Variants in NFIC observed in about 807,000 individuals in gnomAD.
The protein encoded by NFIC is nuclear factor I C.
In NFIC, 12 loss-of-function variants were observed where a neutral mutation model predicts 54.4. The ratio of observed to expected loss-of-function variants is 0.22; its 90% CI spans 0.14 to 0.36. The LOEUF (loss-of-function observed/expected upper bound fraction) is 0.36. Among genes scored for constraint, NFIC ranks in the 10% least tolerant of loss-of-function variants. The pLI is 1.00. For missense variants in NFIC, 575 were observed against 718.2 expected (o/e 0.80, Z 2.28); for synonymous variants, 322 against 319.2 (o/e 1.01, Z -0.09).
chr19:3,395,492 A>ATT (rs530190180), intron 2 of NFIC, among the ~76,000 whole-genome samples: 5,560 of 130,794 alleles, frequency 0.043, 412 homozygotes, highest in African/African-American at 0.15. Flanking sequence ...ACCATGGTTG[A>ATT]TTTTTTTTTT....
chr19:3,385,701 T>C (rs1348488004), intron 2 of NFIC, among the ~76,000 whole-genome samples: 2 of 151,310 alleles, frequency 1.3e-5, no homozygotes, highest in Non-Finnish European at 1.5e-5. Context: ...GTCTCCCGAG[T>C]AGCTGGGACT....
At chr19:3,366,890 C>T (rs918161206) in intron 1 of NFIC, among the ~76,000 whole-genome samples, 1 of 151,906 alleles carries the variant, frequency 6.6e-6, no homozygotes, top group African/African-American at 2.4e-5. Flanking sequence ...CGCGGGACTC[C>T]CGCCCAGCAC....
In NFIC at chr19:3,449,049, A is replaced by G; in HGVS notation, c.994A>G (p.Lys332Glu). The G allele has an allele frequency of 6.2e-7, 1 of 1,613,472 alleles. No individual in the cohort carries two copies. Among genetic ancestry groups the G allele is most frequent in the South Asian group, 1.1e-5 (1 of 91,004 alleles). The change falls in exon 7 of 11, where the codon AAG (lysine) becomes GAG (glutamate). Residue 332 changes from lysine (K) to glutamate (E), a missense_variant. Transcript: ENST00000443272. ...SSPVKKTEMD[K>E]SPFNSPSPQD... ...CCCGGTGAAGAAGACAGAGATGGAC[A>G]AGTCACCATTCAACAGCCCGTCCCC...
intron 6 of NFIC, among the ~76,000 whole-genome samples, chr19:3,439,289 A>G (rs73523815): frequency 0.16 from 22,347 of 136,612 alleles, 3,561 homozygotes; most frequent in African/African-American, 0.42. Flanking sequence ...AGCTATGATC[A>G]TACCACTGCA....
intron 2 of NFIC, among the ~76,000 whole-genome samples, chr19:3,394,513 T>TCCCCCCCCCCC (rs1192475558): frequency 2.2e-4 from 2 of 9,018 alleles, no homozygotes; most frequent in African/African-American, 7.8e-4. Context: ...TTATGATCTT[T>TCCCCCCCCCCC]TCCCCACCCA....
chr19:3,399,737 G>A (rs2081524364), intron 2 of NFIC, among the ~76,000 whole-genome samples: 2 of 151,892 alleles, frequency 1.3e-5, no homozygotes, highest in African/African-American at 4.8e-5. Flanking sequence ...CTGGGCGTGT[G>A]GTGGGAGCCT....
Position 3,462,942 on chromosome 19 carries a change from A to T in NFIC, c.*173A>T, listed in dbSNP as rs185384063. 3.4e-6 allele frequency: 5 copies of T among 1,450,406 alleles called. No homozygotes were observed. In the African/African-American group the frequency reaches 7.2e-5, roughly 21 times the overall value. The allele number at this position is 1,450,406 out of a possible 1,614,324, so 89.8% of individuals were successfully genotyped here. A position where few individuals can be genotyped will look rare whatever the true frequency, so the allele number is the denominator to read the frequency against. ...CATAGACGCACACACTCAGGAGGAA[A>T]AGAAAAAACAAAGGCAGAAGAAGAA... On this transcript the variant is annotated 3_prime_UTR_variant, in exon 11 of 11. Transcript: ENST00000443272.
At chr19:3,422,475 T>C (rs1185294544) in intron 2 of NFIC, among the ~76,000 whole-genome samples, 1 of 149,360 alleles carries the variant, frequency 6.7e-6, no homozygotes, top group Non-Finnish European at 1.5e-5. Context: ...CCCAGCACTT[T>C]GGGAGGCCGA....
At chr19:3,444,570 C>A (rs576103063) in intron 6 of NFIC, among the ~76,000 whole-genome samples, 1 of 152,342 alleles carries the variant, frequency 6.6e-6, no homozygotes, top group East Asian at 1.9e-4. Context: ...TTCTTTCTCG[C>A]GGTGCCTGAG....
chr19:3,420,507 G>A (rs1312411360), intron 2 of NFIC, among the ~76,000 whole-genome samples: 1 of 150,678 alleles, frequency 6.6e-6, no homozygotes, highest in Non-Finnish European at 1.5e-5. Flanking sequence ...TCGTGCCACC[G>A]CACTCCAGTC....
Position 3,453,960 on chromosome 19 carries a change from A to G in NFIC, c.1423+44A>G. The G allele has an allele frequency of 6.8e-7, 1 of 1,472,466 alleles. No homozygotes were observed. Among genetic ancestry groups the G allele is most frequent in the Non-Finnish European group, 9.0e-7 (1 of 1,117,096 alleles). 91.2% of individuals were successfully genotyped at this position (1,472,466 alleles called of 1,614,324 possible). A position where few individuals can be genotyped will look rare whatever the true frequency, so the allele number is the denominator to read the frequency against. ...GTGCCCTGGTGGGGCGGATGTCCGCAGGGGGGCCTGTCCCCTCCCCAGCCC... is the reference window on the plus strand; with the variant it reads ...GTGCCCTGGTGGGGCGGATGTCCGCGGGGGGGCCTGTCCCCTCCCCAGCCC... On this transcript the variant is annotated intron_variant, in intron 9 of 10. Coordinates refer to ENST00000443272, the MANE Select transcript of NFIC (RefSeq NM_001245002.2). This position sits in a 1 kb window ranked among gnomAD's most constrained non-coding sequence, Gnocchi z 6.7.
chr19:3,449,892 TAAAA>T (rs1295094695), intron 7 of NFIC, among the ~76,000 whole-genome samples: 7 of 151,310 alleles, frequency 4.6e-5, no homozygotes, highest in Non-Finnish European at 1.0e-4. Context: ...CCTTGTCTAC[TAAAA>T]ATACAAAAAT....
upstream of NFIC, among the ~76,000 whole-genome samples, chr19:3,365,094 C>G (rs1052864600): frequency 1.3e-5 from 2 of 152,180 alleles, no homozygotes; most frequent in African/African-American, 2.4e-5. Context: ...TGCAGGAATT[C>G]TGCTCCCTCC....
At chr19:3,399,469 G>A (rs1232970241) in intron 2 of NFIC, among the ~76,000 whole-genome samples, 1 of 152,158 alleles carries the variant, frequency 6.6e-6, no homozygotes, top group Non-Finnish European at 1.5e-5. Context: ...CCAGCCACTC[G>A]AGAGGTCGCG....
chr19:3,365,180 AT>A (rs2080864939), upstream of NFIC, among the ~76,000 whole-genome samples: 3 of 152,156 alleles, frequency 2.0e-5, no homozygotes, highest in Non-Finnish European at 4.4e-5. Context: ...ATGCCTGAGG[AT>A]AATGGGTGCT....
At chr19:3,440,905 C>T (rs1201520141) in intron 6 of NFIC, among the ~76,000 whole-genome samples, 1 of 152,162 alleles carries the variant, frequency 6.6e-6, no homozygotes, top group Non-Finnish European at 1.5e-5. Context: ...GATCAGCGCC[C>T]ACTGGGCTCA....
intron 2 of NFIC, among the ~76,000 whole-genome samples, chr19:3,397,660 G>A (rs143010901): frequency 1.2e-4 from 19 of 152,252 alleles, no homozygotes; most frequent in Non-Finnish European, 1.9e-4. Context: ...CCACCCAGTG[G>A]GCTGCCCGGA....
chr19:3,396,545 TG>T (rs1386398337), intron 2 of NFIC, among the ~76,000 whole-genome samples: 2 of 151,782 alleles, frequency 1.3e-5, no homozygotes, highest in East Asian at 3.9e-4. Flanking sequence ...TCACTGGGTC[TG>T]GATCCCAGCC....
chr19:3,425,217 G>A lies in NFIC; in HGVS notation c.634+40G>A, dbSNP rs750124884. 1.2e-4 allele frequency: 193 copies of A among 1,574,312 alleles called. 1 individual carries two copies. The South Asian group carries it at 2.0e-3, about 16-fold the overall frequency. ...AGCGTGGCGGTGAAGGGCGGAGGGC[G>A]CAGCCCTGTCCTCGTCTTTTATTTG... On this transcript the variant is annotated intron_variant, in intron 3 of 10. Coordinates refer to ENST00000443272, the MANE Select transcript of NFIC (RefSeq NM_001245002.2).
Sources: gnomAD v4.1 joint callset for allele counts (sites outside exome capture counted in the v4.1 genomes callset) on GRCh38, gnomAD v4.1.1 for gene constraint, Gnocchi (gnomAD v3.1) non-coding constraint, MANE v1.5 for transcripts, NCBI Gene and HGNC (gene_info 2026-07-23, HGNC 2026-07-21) for gene names.